FAM117A: variants seen among roughly 807,000 people sequenced by gnomAD.
FAM117A encodes the protein protein FAM117A.
In FAM117A, 21 loss-of-function variants were observed where a neutral mutation model predicts 44.1. The observed-to-expected ratio is 0.48, with a 90% CI of 0.34 to 0.69. FAM117A has a LOEUF of 0.69. Ranked by LOEUF, FAM117A falls within the 30% of genes least tolerant of loss-of-function variation. The pLI is 0.01. For missense variants in FAM117A, 498 were observed against 589.9 expected, an observed-to-expected ratio of 0.84 and a Z score of 1.61; for synonymous variants, 220 against 238.3, an observed-to-expected ratio of 0.92 and a Z score of 0.71.
intron 2 of FAM117A, among the ~76,000 whole-genome samples, chr17:49,723,409 T>C (rs1272989819): frequency 1.3e-5 from 2 of 152,174 alleles, no homozygotes; most frequent in African/African-American, 2.4e-5. Context: ...GACTACTTCC[T>C]GAGCCCCGAC....
chr17:49,756,549 T>C (rs1477616622), intron 1 of FAM117A, among the ~76,000 whole-genome samples: 11 of 149,806 alleles, frequency 7.3e-5, no homozygotes, highest in African/African-American at 4.9e-5. Context: ...CAGGATGCTA[T>C]AGTGAGCTAT....
intron 1 of FAM117A, among the ~76,000 whole-genome samples, chr17:49,760,997 C>T (rs1474643375): frequency 6.6e-6 from 1 of 152,172 alleles, no homozygotes. Flanking sequence ...CCTCATTTTA[C>T]GAAGACATAC....
At chr17:49,756,761 C>T (rs188418146) in intron 1 of FAM117A, among the ~76,000 whole-genome samples, 1 of 152,062 alleles carries the variant, frequency 6.6e-6, no homozygotes, top group African/African-American at 2.4e-5. Flanking sequence ...ACTAAAAATA[C>T]AGCAATTATC....
chr17:49,747,059 G>T (rs988327594), intron 1 of FAM117A: 1 of 151,774 alleles, frequency 6.6e-6, no homozygotes, highest in East Asian at 1.9e-4. Flanking sequence ...ACTATTAAAG[G>T]GTAAATAAGA....
chr17:49,782,631 A>G (rs1353014539), intron 1 of FAM117A, among the ~76,000 whole-genome samples: 1 of 146,042 alleles, frequency 6.8e-6, no homozygotes, highest in Admixed American at 6.9e-5. Context: ...CACAGGTTGC[A>G]GTGAGCTGAG....
At chr17:49,783,719 C>G (rs1286529468) in intron 1 of FAM117A, among the ~76,000 whole-genome samples, 2 of 152,236 alleles carry the variant, frequency 1.3e-5, no homozygotes, top group Non-Finnish European at 2.9e-5. Context: ...GTCACATCAG[C>G]AACCTCTGAG....
At chr17:49,742,390 A>G (rs1212794995) in intron 1 of FAM117A, among the ~76,000 whole-genome samples, 1 of 152,258 alleles carries the variant, frequency 6.6e-6, no homozygotes, top group African/African-American at 2.4e-5. Flanking sequence ...AAGGAGAAAA[A>G]GGGTGAACCC....
At chr17:49,783,918 G>T (rs1176320966) in intron 1 of FAM117A, among the ~76,000 whole-genome samples, 2 of 152,228 alleles carry the variant, frequency 1.3e-5, no homozygotes, top group African/African-American at 4.8e-5. Flanking sequence ...GCTTAGAGGA[G>T]AGAGCATGGC....
rs766601875 is a variant in FAM117A, at chr17:49,732,729, G to A, written c.197-9C>T. ...CGAGCATGGGACGCTGGCTGCAAGAGAACACAGCCCGCACGCCTTGCCATC... is the reference window on the plus strand; with the variant it reads ...CGAGCATGGGACGCTGGCTGCAAGAAAACACAGCCCGCACGCCTTGCCATC... On this transcript the variant is annotated splice_polypyrimidine_tract_variant and intron_variant, in intron 1 of 7. Transcript: ENST00000240364. 4.3e-6 allele frequency: 7 copies of A among 1,611,612 alleles called. No individual in the cohort carries two copies. The South Asian group carries it at 6.6e-5, about 15-fold the overall frequency.
At chr17:49,713,842 G>A (rs2073489378) in intron 7 of FAM117A, among the ~76,000 whole-genome samples, 1 of 152,024 alleles carries the variant, frequency 6.6e-6, no homozygotes, top group South Asian at 2.1e-4. Flanking sequence ...AATAATTCTA[G>A]AGCCCAGGAA....
intron 1 of FAM117A, among the ~76,000 whole-genome samples, chr17:49,738,394 C>G (rs1023801418): frequency 6.6e-6 from 1 of 151,906 alleles, no homozygotes; most frequent in Non-Finnish European, 1.5e-5. Context: ...AAATGTCACA[C>G]AAATAGCAGA....
intron 1 of FAM117A, among the ~76,000 whole-genome samples, chr17:49,775,945 ATTC>A (rs754555348): frequency 6.6e-6 from 1 of 152,100 alleles, no homozygotes; most frequent in African/African-American, 2.4e-5. Flanking sequence ...CCAATTCTGA[ATTC>A]TTCTCCTGAT....
At chr17:49,740,364 C>T (rs1016510164) in intron 1 of FAM117A, among the ~76,000 whole-genome samples, 3 of 152,140 alleles carry the variant, frequency 2.0e-5, no homozygotes, top group African/African-American at 4.8e-5. Context: ...ATTCTCCTGC[C>T]TCAGCCTCCC....
chr17:49,749,885 C>T (rs2073669416), intron 1 of FAM117A, among the ~76,000 whole-genome samples: 1 of 148,362 alleles, frequency 6.7e-6, no homozygotes, highest in African/African-American at 2.4e-5. Context: ...ACGGTCAATA[C>T]CTGGGCTCAC....
intron 2 of FAM117A, chr17:49,724,253 CCT>C: frequency 2.3e-6 from 1 of 435,734 alleles, no homozygotes; most frequent in Non-Finnish European, 4.6e-6. Flanking sequence ...AAGATGACTA[CCT>C]CTGCTAATCG....
At chr17:49,787,138 G>A (rs2073815570) in intron 1 of FAM117A, among the ~76,000 whole-genome samples, 1 of 152,162 alleles carries the variant, frequency 6.6e-6, no homozygotes, top group Non-Finnish European at 1.5e-5. Context: ...AAATAACTGA[G>A]ATATGCTCTT....
intron 1 of FAM117A, among the ~76,000 whole-genome samples, chr17:49,782,376 CAAAAAAAAAAAA>C (rs1193854249): frequency 5.5e-5 from 1 of 18,102 alleles, no homozygotes; most frequent in Non-Finnish European, 1.1e-4. Flanking sequence ...GACTCCGTCT[CAAAAAAAAAAAA>C]AAAAAAAAAA....
intron 1 of FAM117A, among the ~76,000 whole-genome samples, chr17:49,774,822 A>C (rs1320715345): frequency 2.0e-5 from 3 of 152,158 alleles, no homozygotes; most frequent in Non-Finnish European, 4.4e-5. Flanking sequence ...GAAAGGCTCC[A>C]GATTTTGTGA....
intron 1 of FAM117A, among the ~76,000 whole-genome samples, chr17:49,745,678 G>A (rs2073652069): frequency 6.6e-6 from 1 of 152,206 alleles, no homozygotes; most frequent in Admixed American, 6.5e-5. Context: ...GGATAGAGGA[G>A]CAAGTTAGAT....
Sources: allele counts gnomAD v4.1 joint callset (sites outside exome capture counted in the v4.1 genomes callset), GRCh38; gene constraint gnomAD v4.1.1; transcripts MANE v1.5; gene names NCBI Gene and HGNC (gene_info 2026-07-23, HGNC 2026-07-21).